Variants in ABCC12 observed in about 807,000 individuals in gnomAD.
ABCC12 encodes the protein ATP binding cassette subfamily C member 12.
Under a neutral mutation model 151.1 loss-of-function variants are expected in ABCC12, and 142 were observed. That is an observed-to-expected ratio of 0.94 (90% CI 0.82 to 1.08). ABCC12 has a LOEUF of 1.08. ABCC12 is among the 50% of genes least tolerant of loss of function. ABCC12 has a pLI of 0.00. For synonymous variants in ABCC12, 645 were observed against 646.4 expected (o/e 1.00, Z 0.03); for missense variants, 1,638 against 1,691.1 (o/e 0.97, Z 0.55).
At chr16:48,109,000 G>A (rs1963595327) in intron 18 of ABCC12, among the ~76,000 whole-genome samples, 1 of 152,172 alleles carries the variant, frequency 6.6e-6, no homozygotes, top group Non-Finnish European at 1.5e-5. Flanking sequence ...AGGGATCTGG[G>A]ATTTTTCTGT....
intron 2 of ABCC12, among the ~76,000 whole-genome samples, chr16:48,152,581 C>T (rs935721087): frequency 6.6e-6 from 1 of 152,178 alleles, no homozygotes; most frequent in Non-Finnish European, 1.5e-5. Context: ...AGTTCTGAAA[C>T]CCAGCTGAAA....
Position 48,139,212 on chromosome 16 carries a change from G to C in ABCC12, c.782C>G (p.Pro261Arg), listed in dbSNP as rs1964718128. Residue 261 changes from proline (P) to arginine (R), a missense_variant, in exon 7 of 31, where the codon CCC (proline) becomes CGC (arginine). By Grantham distance (103) the Pro-to-Arg change is moderately radical. Transcript: ENST00000311303. ...CACTGATATCCCGATGAGAGCTGTG[G>C]GCCCCAGAATGAAAAAGGCGTACGC... ...CAAYAFFILGPTALIGISVYV... is the reference protein window; with the variant it reads ...CAAYAFFILGRTALIGISVYV... The C allele has an allele frequency of 6.2e-7, 1 of 1,613,790 alleles. No homozygotes were observed. Among genetic ancestry groups the C allele is most frequent in the Non-Finnish European group, 8.5e-7 (1 of 1,179,982 alleles).
Position 48,104,362 on chromosome 16 carries a change from T to G in ABCC12, c.2680A>C (p.Lys894Gln), listed in dbSNP as rs1172901483. 1 of 1,614,106 alleles carries G rather than the reference T, an allele frequency of 6.2e-7. No individual in the cohort carries two copies. The highest frequency in any genetic ancestry group is 1.7e-5 in the Admixed American group (1 of 60,002). The change falls in exon 22 of 31, where the codon AAG (lysine) becomes CAG (glutamine). Residue 894 changes from lysine (K) to glutamine (Q), a missense_variant. Lys to Gln is a moderately conservative substitution (Grantham distance 53). Coordinates refer to ENST00000311303, the MANE Select transcript of ABCC12 (RefSeq NM_001393797.1). ...GTGTCAAAGAAACTCATTGGGCTCT[T>G]TAAGATCTGTGGAGAATGGTAGAGA... ...LHDTVFDKIL[K>Q]SPMSFFDTTP...
At position 48,111,677 on chromosome 16, in the gene ABCC12, A is replaced by G. The variant is rs1963695190; in HGVS notation, c.2125-15T>C. 7 of 1,614,014 alleles carry G rather than the reference A, an allele frequency of 4.3e-6. No individual in the cohort carries two copies. The highest frequency in any genetic ancestry group is 5.1e-6 in the Non-Finnish European group (6 of 1,180,026). ...TGTTCAGGATCCTGGAGACAAAATG[A>G]AATTCCTTCTGAATGCTAAGTGACA... On this transcript the variant is annotated splice_polypyrimidine_tract_variant and intron_variant, in intron 16 of 30. Coordinates refer to ENST00000311303, the MANE Select transcript of ABCC12 (RefSeq NM_001393797.1).
At chr16:48,119,773 G>A (rs1964006125) in intron 13 of ABCC12, among the ~76,000 whole-genome samples, 1 of 152,210 alleles carries the variant, frequency 6.6e-6, no homozygotes, top group African/African-American at 2.4e-5. Flanking sequence ...ATTAAGCATT[G>A]TGATGCCTGG....
chr16:48,114,479 A>C lies in ABCC12; in HGVS notation c.1989+936T>G, dbSNP rs79584726. Among the ~76,000 whole-genome samples, 90 of 152,236 alleles carry C rather than the reference A, an allele frequency of 5.9e-4. 1 individual carries two copies. The South Asian group carries it at 8.5e-3, about 14-fold the overall frequency. ...CTTCCTGCCCCCAGACCAGGCCCTT[A>C]TGTAACATGTTCTCTGCAGGTAGCA... On this transcript the variant is annotated intron_variant, in intron 15 of 30. Transcript: ENST00000311303.
chr16:48,118,001 G>GC (rs1441680295), intron 13 of ABCC12, among the ~76,000 whole-genome samples: 1 of 152,170 alleles, frequency 6.6e-6, no homozygotes, highest in Non-Finnish European at 1.5e-5. Flanking sequence ...TCTCCACTGT[G>GC]CCCCCTCAGC....
At chr16:48,139,089 C>A (rs773037815) in intron 7 of ABCC12, 74 bp downstream of exon 7, 4 of 1,473,774 alleles carry the variant, frequency 2.7e-6, no homozygotes, top group Non-Finnish European at 3.6e-6. Context: ...AGAAATGCAG[C>A]CTTCCACCCA....
chr16:48,135,829 G>A (rs943052434), intron 8 of ABCC12, among the ~76,000 whole-genome samples: 5 of 152,072 alleles, frequency 3.3e-5, no homozygotes, highest in African/African-American at 7.2e-5. Context: ...ACATGCCCAC[G>A]GCTCTGCAAA....
chr16:48,133,643 G>C (rs780757754), intron 9 of ABCC12, 44 bp downstream of exon 9: 1 of 1,601,268 alleles, frequency 6.2e-7, no homozygotes, highest in Non-Finnish European at 8.5e-7. Flanking sequence ...GGGACTTGCC[G>C]GGGTCAGGTT....
intron 2 of ABCC12, among the ~76,000 whole-genome samples, chr16:48,152,663 A>G (rs561573750): frequency 9.2e-5 from 14 of 152,324 alleles, no homozygotes; most frequent in African/African-American, 3.4e-4. Flanking sequence ...CCTCTGGCCC[A>G]CCAGATCGGG....
Position 48,091,418 on chromosome 16 carries a change from A to G in ABCC12, c.3196-209T>C, listed in dbSNP as rs1163787588. Among the ~76,000 whole-genome samples the G allele has an allele frequency of 2.0e-5, 3 of 152,244 alleles. No individual in the cohort carries two copies. The South Asian group carries it at 6.2e-4, about 31-fold the overall frequency. Reference sequence around the variant, plus strand: ...GCCTTTAAACACTTCCTTTGTATTTAGAAACAAATGGTAATTACATTTTTC... The same window carrying G: ...GCCTTTAAACACTTCCTTTGTATTTGGAAACAAATGGTAATTACATTTTTC... On this transcript the variant is annotated intron_variant, in intron 24 of 30. Transcript: ENST00000311303.
intron 2 of ABCC12, among the ~76,000 whole-genome samples, chr16:48,150,092 C>T (rs1965096923): frequency 6.6e-6 from 1 of 152,000 alleles, no homozygotes. Flanking sequence ...ATATATATGC[C>T]CTGGAGAAAG....
intron 23 of ABCC12, among the ~76,000 whole-genome samples, chr16:48,097,395 G>A (rs1963138754): frequency 6.6e-6 from 1 of 152,194 alleles, no homozygotes; most frequent in African/African-American, 2.4e-5. Flanking sequence ...GAGGAGGGAA[G>A]GGAGGGTGCA....
At chr16:48,115,721 A>T in intron 14 of ABCC12, 103 bp from the exon 15 acceptor site, 1 of 1,198,318 alleles carries the variant, frequency 8.3e-7, no homozygotes. Context: ...AAAGACGTAC[A>T]CACTGATCCT....
At chr16:48,142,076 A>G (rs1217992061) in intron 4 of ABCC12, among the ~76,000 whole-genome samples, 1 of 152,144 alleles carries the variant, frequency 6.6e-6, no homozygotes, top group Non-Finnish European at 1.5e-5. Context: ...TGTGGGAGGA[A>G]AGGAGAAAGA....
At chr16:48,126,903 C>T (rs1440613547) in intron 11 of ABCC12, among the ~76,000 whole-genome samples, 5 of 152,136 alleles carry the variant, frequency 3.3e-5, no homozygotes, top group East Asian at 1.9e-4. Context: ...AAAGCCATTG[C>T]GTGGCCAGAA....
At chr16:48,149,187 G>A (rs1406512871) in intron 2 of ABCC12, among the ~76,000 whole-genome samples, 2 of 146,058 alleles carry the variant, frequency 1.4e-5, no homozygotes, top group African/African-American at 5.0e-5. Context: ...TTTAAAAAGG[G>A]TTAAAGCTAA....
intron 8 of ABCC12, among the ~76,000 whole-genome samples, chr16:48,135,348 G>A (rs757165919): frequency 2.6e-5 from 4 of 152,110 alleles, no homozygotes; most frequent in Non-Finnish European, 5.9e-5. Flanking sequence ...CAACCAGATC[G>A]TCAACCATTT....
Sources: allele counts gnomAD v4.1 joint callset (sites outside exome capture counted in the v4.1 genomes callset), GRCh38; gene constraint gnomAD v4.1.1; transcripts MANE v1.5; gene names NCBI Gene and HGNC (gene_info 2026-07-23, HGNC 2026-07-21).